The following PDPK1 variants were observed in gnomAD, a reference collection of about 807,000 sequenced individuals.
PDPK1 encodes 3-phosphoinositide-dependent protein kinase 1.
PDPK1 carries 7 observed loss-of-function variants against 39.8 expected under a neutral mutation model. The ratio of observed to expected loss-of-function variants is 0.18; its 90% confidence interval spans 0.10 to 0.33. The LOEUF (loss-of-function observed/expected upper bound fraction) is 0.33, where lower values mean the gene tolerates loss of function less well. Among genes scored for constraint, PDPK1 ranks in the 10% least tolerant of loss-of-function variants. PDPK1 has a pLI of 1.00. For missense variants in PDPK1, 182 were observed against 384.7 expected (o/e 0.47, Z 4.41); for synonymous variants, 118 against 159.1 (o/e 0.74, Z 1.95).
Position 2,601,691 on chromosome 16 carries a change from C to G in PDPK1, c.*3924C>G, listed in dbSNP as rs992958644. The G allele has an allele frequency of 9.2e-5, 6 of 65,496 alleles. No homozygotes were observed. The African/African-American group carries it at 2.1e-3, about 23-fold the overall frequency. 4.1% of individuals were successfully genotyped at this position (65,496 alleles called of 1,614,324 possible). On this transcript the variant is annotated 3_prime_UTR_variant, in exon 14 of 14. Coordinates refer to ENST00000342085, the MANE Select transcript of PDPK1 (RefSeq NM_002613.5). The stretch of plus-strand genomic sequence containing the variant: ...GTTTTACAAGAGTGCATTTGTCTCC[C>G]CCTTCCACCCGTGGGGCCCCACCTT...
intron 11 of PDPK1, among the ~76,000 whole-genome samples, chr16:2,591,934 G>T (rs577853257): frequency 6.6e-6 from 1 of 152,340 alleles, no homozygotes; most frequent in East Asian, 1.9e-4. Context: ...TTCCACAGAG[G>T]TAAAGAGTGT....
intron 11 of PDPK1, among the ~76,000 whole-genome samples, chr16:2,591,033 G>A (rs1185320468): frequency 2.0e-5 from 3 of 150,306 alleles, no homozygotes; most frequent in Non-Finnish European, 4.4e-5. Flanking sequence ...CACAATCTCA[G>A]CTCACTGCAA....
At chr16:2,592,809 T>C (rs1198819445) in intron 11 of PDPK1, 3 of 456,166 alleles carry the variant, frequency 6.6e-6, no homozygotes, top group South Asian at 4.6e-5. Context: ...CCGCAGTCTC[T>C]GTCCATGCAC....
At chr16:2,540,490 A>C (rs1253585068) in intron 1 of PDPK1, among the ~76,000 whole-genome samples, 1 of 152,034 alleles carries the variant, frequency 6.6e-6, no homozygotes, top group Non-Finnish European at 1.5e-5. Flanking sequence ...CCTGCCCCTC[A>C]CGTTCGGAGC....
intron 11 of PDPK1, among the ~76,000 whole-genome samples, chr16:2,591,376 G>A (rs1045218667): frequency 3.9e-5 from 6 of 152,214 alleles, no homozygotes; most frequent in African/African-American, 7.2e-5. Context: ...GAGGGTAGAA[G>A]AGCCCCTAGT....
chr16:2,598,584 G>A lies in PDPK1; in HGVS notation c.*817G>A, dbSNP rs563848860. 2.7e-4 allele frequency: 64 copies of A among 233,434 alleles called. No homozygotes were observed. The Admixed American group carries it at 3.4e-3, about 12-fold the overall frequency. The allele number at this position is 233,434 out of a possible 1,614,324, so 14.5% of individuals were successfully genotyped here. A position where few individuals can be genotyped will look rare whatever the true frequency, so the allele number is the denominator to read the frequency against. ...CAGAAGTGAGCCCAGTTAGTACCCC[G>A]CTGGCTCACTGCACGAGAGAGTCCT... is the stretch of plus-strand genomic sequence containing the variant. On this transcript the variant is annotated 3_prime_UTR_variant, in exon 14 of 14. Transcript: ENST00000342085.
At chr16:2,542,014 G>A (rs575235117) in intron 1 of PDPK1, among the ~76,000 whole-genome samples, 13 of 151,968 alleles carry the variant, frequency 8.6e-5, no homozygotes, top group Non-Finnish European at 1.5e-4. Context: ...CACAAAGTCC[G>A]TTTCCATTCT....
At position 2,603,155 on chromosome 16, in the gene PDPK1, C is replaced by T; in HGVS notation, c.*5388C>T. The T allele has an allele frequency of 4.5e-6, 1 of 220,276 alleles. No homozygotes were observed. The highest frequency in any genetic ancestry group is 9.1e-6 in the Non-Finnish European group (1 of 110,088). 13.6% of individuals were successfully genotyped at this position (220,276 alleles called of 1,614,324 possible). On this transcript the variant is annotated 3_prime_UTR_variant, in exon 14 of 14. Transcript: ENST00000342085. ...AGATGATGAATTTTCCTCGTATGGT[C>T]AGTAGTCTTGTAATAAAAAGCATGT... is the stretch of plus-strand genomic sequence containing the variant.
chr16:2,538,963 G>A (rs1295560484), intron 1 of PDPK1: 2 of 357,198 alleles, frequency 5.6e-6, no homozygotes, highest in East Asian at 1.7e-4. Flanking sequence ...TATGCGATGT[G>A]CAGTGGGTGA....
At position 2,593,662 on chromosome 16, in the gene PDPK1, C is replaced by T. The variant is rs982882371; in HGVS notation, c.1344-2131C>T. The T allele has an allele frequency of 5.8e-5, 9 of 155,450 alleles. No individual in the cohort carries two copies. Among genetic ancestry groups the T allele is most frequent in the Admixed American group, 5.1e-4 (8 of 15,818 alleles). 9.6% of individuals were successfully genotyped at this position (155,450 alleles called of 1,614,324 possible). On this transcript the variant is annotated intron_variant, in intron 11 of 13. Coordinates refer to ENST00000342085, the MANE Select transcript of PDPK1 (RefSeq NM_002613.5). The surrounding 1 kb of genome is among the most constrained non-coding windows in gnomAD (Gnocchi z 4.2). ...CCGTCCTCATCTGCCTGCAAGAGCT[C>T]TGACTGGCCTGGGCTCAAAGGGACC...
intron 1 of PDPK1, among the ~76,000 whole-genome samples, chr16:2,543,844 C>T (rs1037510032): frequency 2.6e-5 from 4 of 152,108 alleles, no homozygotes; most frequent in African/African-American, 7.2e-5. Context: ...ACTTCAGCCT[C>T]CTGAGTAGCT....
At chr16:2,539,316 G>A (rs1187326934) in intron 1 of PDPK1, 1 of 153,450 alleles carries the variant, frequency 6.5e-6, no homozygotes, top group African/African-American at 2.4e-5. Flanking sequence ...CTGACCTCAA[G>A]TGATCTGCCC....
In PDPK1 at chr16:2,601,469, G is replaced by C. The variant is rs2067213547; in HGVS notation, c.*3702G>C. On this transcript the variant is annotated 3_prime_UTR_variant, in exon 14 of 14. Transcript: ENST00000342085. ...TGCCGTGGCTTTCAAGCGCTTGGCA[G>C]AATCTTGTACTTCGTGTCCACAATG... The C allele has an allele frequency of 4.3e-6, 1 of 234,474 alleles. No individual in the cohort carries two copies. Among genetic ancestry groups the C allele is most frequent in the Non-Finnish European group, 8.5e-6 (1 of 117,916 alleles). 14.5% of individuals were successfully genotyped at this position (234,474 alleles called of 1,614,324 possible).
In PDPK1 at chr16:2,586,708, G is replaced by A; in HGVS notation, c.1158G>A (p.Met386Ile). 6.2e-7 allele frequency: 1 copy of A among 1,614,250 alleles called. No individual in the cohort carries two copies. Among genetic ancestry groups the A allele is most frequent in the Non-Finnish European group, 8.5e-7 (1 of 1,180,048 alleles). ...YDNLLSQFGC[M>I]QVSSSSSSHS... ...ATCTCCTGAGCCAGTTTGGCTGCAT[G>A]CAGGTGTCTTCGTCCTCCTCCTCAC... The change falls in exon 11 of 14, where the codon ATG (methionine) becomes ATA (isoleucine). Residue 386 changes from methionine to isoleucine, a missense_variant. By Grantham distance (10) the Met-to-Ile change is conservative (BLOSUM62 1). Coordinates refer to ENST00000342085, the MANE Select transcript of PDPK1 (RefSeq NM_002613.5).
At chr16:2,592,415 G>A (rs2067008327) in intron 11 of PDPK1, 1 of 271,672 alleles carries the variant, frequency 3.7e-6, no homozygotes, top group Non-Finnish European at 7.2e-6. Flanking sequence ...GCCTCCCAGG[G>A]AGGAAAGGGC....
chr16:2,585,217 C>T (rs74003034), intron 10 of PDPK1, among the ~76,000 whole-genome samples: 3,097 of 152,276 alleles, frequency 0.02, 116 homozygotes, highest in African/African-American at 0.072. Context: ...CTGCTTGATA[C>T]GTGGCTTCTG....
In PDPK1 at chr16:2,585,797, A is replaced by G. The variant is rs1431458843; in HGVS notation, c.1126-879A>G. Among the ~76,000 whole-genome samples the G allele has an allele frequency of 2.6e-5, 4 of 152,306 alleles. No individual in the cohort carries two copies. In the East Asian group the frequency reaches 5.8e-4, roughly 22 times the overall value. ...GGTGCAGCTGTAGGAGTGTGAACAC[A>G]TGGGGGACGCTGCATGTGTGGATGG... On this transcript the variant is annotated intron_variant, in intron 10 of 13. Coordinates refer to ENST00000342085, the MANE Select transcript of PDPK1 (RefSeq NM_002613.5).
rs1158565448 is a variant in PDPK1, at chr16:2,586,726, C to T, written c.1176C>T (p.Ser392=). 9 of 1,614,158 alleles carry T rather than the reference C, an allele frequency of 5.6e-6. No homozygotes were observed. Among genetic ancestry groups the T allele is most frequent in the Non-Finnish European group, 7.6e-6 (9 of 1,180,062 alleles). Residue 392 remains serine (S), a synonymous_variant, in exon 11 of 14, where the codon TCC becomes TCT. Transcript: ENST00000342085. ...QFGCMQVSSS[S]SSHSLSASDT... ...GCTGCATGCAGGTGTCTTCGTCCTCCTCCTCACACTCCCTGTCAGCCTCCG... is the reference window on the plus strand; with the variant it reads ...GCTGCATGCAGGTGTCTTCGTCCTCTTCCTCACACTCCCTGTCAGCCTCCG...
chr16:2,598,700 T>C lies in PDPK1; in HGVS notation c.*933T>C. 4.3e-6 allele frequency: 1 copy of C among 233,294 alleles called. No homozygotes were observed. The highest frequency in any genetic ancestry group is 8.5e-6 in the Non-Finnish European group (1 of 118,074). 14.5% of individuals were successfully genotyped at this position (233,294 alleles called of 1,614,324 possible). A position where few individuals can be genotyped will look rare whatever the true frequency, so the allele number is the denominator to read the frequency against. On this transcript the variant is annotated 3_prime_UTR_variant, in exon 14 of 14. Coordinates refer to ENST00000342085, the MANE Select transcript of PDPK1 (RefSeq NM_002613.5). ...GACTTCCGTGTGGAGCAGAGAGGCCTGAGGGCCTCCTAAAAGGTTTAAATG... is the reference window on the plus strand; with the variant it reads ...GACTTCCGTGTGGAGCAGAGAGGCCCGAGGGCCTCCTAAAAGGTTTAAATG...
Sources: gnomAD v4.1 joint callset for allele counts (sites outside exome capture counted in the v4.1 genomes callset) on GRCh38, gnomAD v4.1.1 for gene constraint, Gnocchi (gnomAD v3.1) non-coding constraint, MANE v1.5 for transcripts, NCBI Gene and HGNC (gene_info 2026-07-23, HGNC 2026-07-21) for gene names.